The following KLF13 variants were observed in gnomAD, a reference collection of about 807,000 sequenced individuals.
KLF13 encodes the protein Krueppel-like factor 13.
A neutral mutation model predicts 16.7 loss-of-function variants in KLF13; 8 were observed. That is an observed-to-expected ratio of 0.48 (90% CI 0.28 to 0.87). The LOEUF is 0.87. KLF13 is among the 40% of genes least tolerant of loss of function. KLF13 has a pLI of 0.10. For synonymous variants in KLF13, 245 were observed against 208.4 expected (o/e 1.18, Z -1.51); for missense variants, 447 against 452.2 (o/e 0.99, Z 0.10).
intron 1 of KLF13, among the ~76,000 whole-genome samples, chr15:31,424,104 C>T (rs1179185810): frequency 6.6e-6 from 1 of 152,074 alleles, no homozygotes; most frequent in Non-Finnish European, 1.5e-5. Flanking sequence ...CAAAAACTTT[C>T]CCACCTAGAA....
intron 1 of KLF13, among the ~76,000 whole-genome samples, chr15:31,415,738 C>A (rs890276890): frequency 9.2e-5 from 14 of 151,774 alleles, no homozygotes; most frequent in African/African-American, 3.4e-4. Flanking sequence ...AGACTGGAAA[C>A]TAAACCCAAA....
At chr15:31,341,408 C>T (rs183052850) in intron 1 of KLF13, among the ~76,000 whole-genome samples, 1 of 152,044 alleles carries the variant, frequency 6.6e-6, no homozygotes, top group Admixed American at 6.5e-5. Flanking sequence ...CAAAATTTCA[C>T]CCCCTGCAGT....
At chr15:31,382,271 G>A (rs1436578599), downstream of KLF13, among the ~76,000 whole-genome samples, 1 of 152,218 alleles carries the variant, frequency 6.6e-6, no homozygotes, top group Non-Finnish European at 1.5e-5. Flanking sequence ...TGGGCCAGAG[G>A]GTTGCTTGCT....
intron 1 of KLF13, among the ~76,000 whole-genome samples, chr15:31,417,183 A>G (rs1295718239): frequency 2.0e-5 from 3 of 152,154 alleles, no homozygotes. Flanking sequence ...ACTATGAGAA[A>G]TAAATTTCTT....
chr15:31,420,492 C>T (rs1002063016), intron 1 of KLF13: 7 of 677,638 alleles, frequency 1.0e-5, no homozygotes, highest in Admixed American at 1.9e-5. Flanking sequence ...AAAGACAAGT[C>T]GTCTGTACTG....
chr15:31,372,059 G>A lies in KLF13; in HGVS notation c.627G>A (p.Ala209=), dbSNP rs774321606. 1.1e-5 allele frequency: 17 copies of A among 1,611,944 alleles called. No homozygotes were observed. Among genetic ancestry groups the A allele is most frequent in the South Asian group, 3.3e-5 (3 of 90,906 alleles). Residue 209 remains alanine (A), a synonymous_variant, in exon 2 of 2, where the codon GCG becomes GCA. Transcript: ENST00000307145. ...CSWQDCNKKF[A]RSDELARHYR... ...GGCAGGACTGCAACAAGAAGTTCGC[G>A]CGCTCCGACGAGCTGGCGCGGCACT...
At chr15:31,385,781 T>C (rs4389106) in intron 1 of KLF13, among the ~76,000 whole-genome samples, 142,522 of 152,278 alleles carry the variant, frequency 0.94, 66,844 homozygotes, top group East Asian at 1. Flanking sequence ...ATTAATAACC[T>C]TACAATTGCC....
At position 31,328,695 on chromosome 15, in the gene KLF13, C is replaced by T. The variant is rs186643109; in HGVS notation, c.577+906C>T. ...GCCAGCCCAGCGGCAACAGTTCCCA[C>T]GCGCGGCCCGATACTTTGTAGTTGA... On this transcript the variant is annotated intron_variant, in intron 1 of 1. Coordinates refer to ENST00000307145, the MANE Select transcript of KLF13 (RefSeq NM_015995.4). 2.0e-5 allele frequency among the ~76,000 whole-genome samples: 3 copies of T among 152,354 alleles called. No individual in the cohort carries two copies. In the East Asian group the frequency reaches 5.8e-4, roughly 29 times the overall value.
intron 1 of KLF13, among the ~76,000 whole-genome samples, chr15:31,369,917 G>A (rs2039531129): frequency 6.6e-6 from 1 of 152,100 alleles, no homozygotes; most frequent in South Asian, 2.1e-4. Context: ...TCTCTATTAA[G>A]CTGTGAGAGC....
intron 1 of KLF13, among the ~76,000 whole-genome samples, chr15:31,426,571 T>G (rs2040403827): frequency 6.6e-6 from 1 of 152,214 alleles, no homozygotes. Context: ...AAGGACTTAA[T>G]ATCTAGAATA....
Position 31,423,136 on chromosome 15 carries a change from T to TC in KLF13, n.118-12234_118-12233insC. Among the ~76,000 whole-genome samples, 2 of 107,744 alleles carry TC rather than the reference T, an allele frequency of 1.9e-5. 1 individual carries two copies. Among genetic ancestry groups the TC allele is most frequent in the South Asian group, 5.1e-4 (2 of 3,904 alleles). The allele number at this position is 107,744 out of a possible 152,430, so 70.7% of individuals were successfully genotyped here. A position where few individuals can be genotyped will look rare whatever the true frequency, so the allele number is the denominator to read the frequency against. On this transcript the variant is annotated intron_variant and non_coding_transcript_variant, in intron 1 of 1. Coordinates refer to the KLF13 transcript ENST00000558225. Reference sequence around the variant, plus strand: ...ACGTATATATACGTATATATACGTATACGTATACGTATATATACGTATATA... The same window carrying TC: ...ACGTATATATACGTATATATACGTATCACGTATACGTATATATACGTATATA...
chr15:31,385,087 G>A (rs1361139920), intron 1 of KLF13, among the ~76,000 whole-genome samples: 1 of 152,206 alleles, frequency 6.6e-6, no homozygotes, highest in Non-Finnish European at 1.5e-5. Context: ...TCATCCACAT[G>A]AGGATATAAG....
chr15:31,387,765 C>T (rs2039810096), intron 1 of KLF13, among the ~76,000 whole-genome samples: 1 of 152,358 alleles, frequency 6.6e-6, no homozygotes, highest in Non-Finnish European at 1.5e-5. Context: ...TCAGGCAGGC[C>T]TGCAGGCTGT....
chr15:31,381,171 CAAA>C (rs398043115), downstream of KLF13, among the ~76,000 whole-genome samples: 5 of 121,502 alleles, frequency 4.1e-5, no homozygotes, highest in Non-Finnish European at 5.0e-5. Context: ...GACTCTGTCT[CAAA>C]AAAAAAAAAA....
At chr15:31,339,715 G>A (rs932971373) in intron 1 of KLF13, among the ~76,000 whole-genome samples, 4 of 152,242 alleles carry the variant, frequency 2.6e-5, no homozygotes, top group African/African-American at 9.6e-5. Flanking sequence ...CTCCCTGCAG[G>A]TCAGGGCATG....
In KLF13 at chr15:31,348,429, A is replaced by T. The variant is rs999785395; in HGVS notation, c.577+20640A>T. Among the ~76,000 whole-genome samples the T allele has an allele frequency of 2.0e-5, 3 of 152,216 alleles. No homozygotes were observed. In the East Asian group the frequency reaches 5.8e-4, roughly 29 times the overall value. On this transcript the variant is annotated intron_variant, in intron 1 of 1. Transcript: ENST00000307145. ...TTGAAGTATACGTGTGCTACAGACC[A>T]TTTAAGTACAGAAAAGCTAAAAGAA...
At chr15:31,385,120 A>G (rs1008760887) in intron 1 of KLF13, among the ~76,000 whole-genome samples, 1 of 152,182 alleles carries the variant, frequency 6.6e-6, no homozygotes, top group Non-Finnish European at 1.5e-5. Flanking sequence ...ATCTGCAAAC[A>G]AGGAGGAGAG....
At chr15:31,405,117 G>C (rs1238569511), downstream of KLF13, among the ~76,000 whole-genome samples, 2 of 152,206 alleles carry the variant, frequency 1.3e-5, no homozygotes, top group African/African-American at 2.4e-5. Flanking sequence ...GAGGTGACTA[G>C]GTCATGCGAG....
At chr15:31,400,288 C>G (rs1019232714) in intron 2 of KLF13, among the ~76,000 whole-genome samples, 1 of 152,208 alleles carries the variant, frequency 6.6e-6, no homozygotes, top group Non-Finnish European at 1.5e-5. Flanking sequence ...TGTATTTTAA[C>G]TGGGGAGAGG....
Sources: gnomAD v4.1 joint callset for allele counts (sites outside exome capture counted in the v4.1 genomes callset) on GRCh38, gnomAD v4.1.1 for gene constraint, MANE v1.5 for transcripts, NCBI Gene and HGNC (gene_info 2026-07-23, HGNC 2026-07-21) for gene names.